FOCAD: variants seen among roughly 807,000 people sequenced by gnomAD.
FOCAD encodes the protein focadhesin.
Under a neutral mutation model 225.6 loss-of-function variants are expected in FOCAD, and 198 were observed. That is an observed-to-expected ratio of 0.88 (90% CI 0.78 to 0.99). The LOEUF is 0.99. Among genes scored for constraint, FOCAD ranks in the 50% least tolerant of loss-of-function variants. The pLI, the probability that FOCAD is intolerant of heterozygous loss-of-function variation, is 0.00. For synonymous variants in FOCAD, 897 were observed against 755.0 expected (o/e 1.19, Z -3.08); for missense variants, 2,713 against 2,123.6 (o/e 1.28, Z -5.46).
Position 20,885,825 on chromosome 9 carries a change from C to T in FOCAD, c.2625+595C>T, listed in dbSNP as rs1831059109. ...TTTATTGTTTTTAAATATTTTATCA[C>T]ACTTACTCATATGATGTATACAAAT... is the stretch of plus-strand genomic sequence containing the variant. On this transcript the variant is annotated intron_variant, in intron 21 of 43. Coordinates refer to ENST00000338382, the MANE Select transcript of FOCAD (RefSeq NM_001375567.1). 3.3e-5 allele frequency among the ~76,000 whole-genome samples: 5 copies of T among 152,178 alleles called. No individual in the cohort carries two copies. In the South Asian group the frequency reaches 1.0e-3, roughly 32 times the overall value.
intron 35 of FOCAD, among the ~76,000 whole-genome samples, chr9:20,960,580 T>A (rs532756356): frequency 5.3e-4 from 81 of 152,024 alleles, no homozygotes; most frequent in Non-Finnish European, 1.0e-3. Flanking sequence ...AATCCATGAA[T>A]CCATCTATTT....
At chr9:20,932,924 T>G (rs1281733403) in intron 27 of FOCAD, 90 bp from the exon 28 acceptor site, 4 of 900,856 alleles carry the variant, frequency 4.4e-6, no homozygotes, top group Non-Finnish European at 7.0e-6. Flanking sequence ...GTATTTCCAG[T>G]AAAATATTGA....
intron 10 of FOCAD, among the ~76,000 whole-genome samples, chr9:20,783,727 A>T (rs1030524636): frequency 1.3e-5 from 2 of 151,936 alleles, no homozygotes; most frequent in South Asian, 2.1e-4. Flanking sequence ...TAAAAAAAGT[A>T]AAAAAAATTG....
intron 2 of FOCAD, among the ~76,000 whole-genome samples, chr9:20,675,276 T>C (rs1822199890): frequency 6.6e-6 from 1 of 152,174 alleles, no homozygotes; most frequent in Non-Finnish European, 1.5e-5. Flanking sequence ...AATTTTAGAA[T>C]GTTTTCAAGC....
intron 2 of FOCAD, among the ~76,000 whole-genome samples, chr9:20,675,531 T>A (rs1822206282): frequency 6.6e-6 from 1 of 152,118 alleles, no homozygotes; most frequent in African/African-American, 2.4e-5. Context: ...AGGGAGACAA[T>A]GGTCAGAAAA....
At chr9:20,892,336 C>A (rs1160073277) in intron 21 of FOCAD, among the ~76,000 whole-genome samples, 1 of 152,072 alleles carries the variant, frequency 6.6e-6, no homozygotes, top group African/African-American at 2.4e-5. Context: ...GATAGTGATT[C>A]CTCTGTTGGA....
At chr9:20,719,778 CTTTTTTTTT>C (rs34384301) in intron 3 of FOCAD, among the ~76,000 whole-genome samples, 1 of 62,112 alleles carries the variant, frequency 1.6e-5, no homozygotes, top group Non-Finnish European at 2.8e-5. Flanking sequence ...TTTTCCTAGG[CTTTTTTTTT>C]TTTTTTTTTT....
At chr9:20,975,423 C>A (rs78754380) in intron 35 of FOCAD, among the ~76,000 whole-genome samples, 2 of 152,144 alleles carry the variant, frequency 1.3e-5, no homozygotes, top group Non-Finnish European at 2.9e-5. Flanking sequence ...ACTTCTAGAA[C>A]GGTCACCATG....
intron 4 of FOCAD, among the ~76,000 whole-genome samples, chr9:20,723,989 G>T (rs1050696752): frequency 6.6e-6 from 1 of 152,062 alleles, no homozygotes; most frequent in Admixed American, 6.5e-5. Flanking sequence ...AGAGAGAGGG[G>T]GAGGTCCAAG....
chr9:20,836,626 G>A (rs551257838), intron 15 of FOCAD, among the ~76,000 whole-genome samples: 7 of 152,040 alleles, frequency 4.6e-5, no homozygotes, highest in African/African-American at 1.4e-4. Flanking sequence ...CTTTGCAGTC[G>A]AAAGTTGTAG....
intron 19 of FOCAD, among the ~76,000 whole-genome samples, chr9:20,879,883 A>G (rs970060803): frequency 2.0e-5 from 3 of 152,192 alleles, no homozygotes; most frequent in South Asian, 4.1e-4. Context: ...GGGTTAGTCT[A>G]TGTGCAGATA....
chr9:20,857,404 G>A (rs1828294303), intron 15 of FOCAD, among the ~76,000 whole-genome samples: 1 of 151,732 alleles, frequency 6.6e-6, no homozygotes, highest in Admixed American at 6.6e-5. Context: ...ATTGTCCATT[G>A]TTGGCATATA....
At chr9:20,973,611 C>G (rs1390277924) in intron 35 of FOCAD, among the ~76,000 whole-genome samples, 1 of 150,188 alleles carries the variant, frequency 6.7e-6, no homozygotes, top group Non-Finnish European at 1.5e-5. Context: ...TCTTGCTTCC[C>G]CATTTTAGCA....
chr9:20,708,646 A>G (rs1032374953), intron 1 of FOCAD, among the ~76,000 whole-genome samples: 6 of 151,994 alleles, frequency 3.9e-5, no homozygotes, highest in Non-Finnish European at 8.8e-5. Flanking sequence ...ACGGTGGTGC[A>G]TGCCTGTAGT....
chr9:20,951,427 A>C (rs758634258), intron 34 of FOCAD, among the ~76,000 whole-genome samples: 1 of 152,204 alleles, frequency 6.6e-6, no homozygotes, highest in Admixed American at 6.5e-5. Flanking sequence ...TGGCTCGGAA[A>C]GATTACATGA....
chr9:20,750,631 C>T (rs1201179682), intron 5 of FOCAD, among the ~76,000 whole-genome samples: 5 of 152,074 alleles, frequency 3.3e-5, no homozygotes, highest in Non-Finnish European at 5.9e-5. Context: ...TAATACAATT[C>T]TCTATTAAGG....
At chr9:20,994,686 G>A (rs1007781806) in intron 43 of FOCAD, among the ~76,000 whole-genome samples, 1 of 152,140 alleles carries the variant, frequency 6.6e-6, no homozygotes, top group Non-Finnish European at 1.5e-5. Flanking sequence ...TCCATCCCTA[G>A]AGACTTGCTG....
intron 28 of FOCAD, among the ~76,000 whole-genome samples, chr9:20,936,139 G>T (rs901734336): frequency 1.3e-5 from 2 of 152,120 alleles, no homozygotes; most frequent in African/African-American, 4.8e-5. Context: ...GTTTTGGAAC[G>T]TCAGGCATGA....
intron 29 of FOCAD, 101 bp from the exon 30 acceptor site, chr9:20,946,600 C>A: frequency 7.5e-7 from 1 of 1,326,146 alleles, no homozygotes; most frequent in Non-Finnish European, 1.0e-6. Flanking sequence ...GAATCCAATT[C>A]TTACTCTGGG....
Sources: gnomAD v4.1 joint callset for allele counts (sites outside exome capture counted in the v4.1 genomes callset) on GRCh38, gnomAD v4.1.1 for gene constraint, MANE v1.5 for transcripts, NCBI Gene and HGNC (gene_info 2026-07-23, HGNC 2026-07-21) for gene names.